The following KCNK2 variants were observed in gnomAD, a reference collection of about 807,000 sequenced individuals.
KCNK2 encodes potassium two pore domain channel subfamily K member 2.
A neutral mutation model predicts 40.5 loss-of-function variants in KCNK2; 21 were observed. The ratio of observed to expected loss-of-function variants is 0.52; its 90% CI spans 0.37 to 0.75. The LOEUF (loss-of-function observed/expected upper bound fraction) is 0.75, where lower values mean the gene tolerates loss of function less well. Among genes scored for constraint, KCNK2 ranks in the 30% least tolerant of loss-of-function variants. The probability of loss-of-function intolerance (pLI) is 0.00; values close to 1 mark genes in which losing one functional copy is unlikely to be tolerated. For missense variants in KCNK2, 399 were observed against 531.6 expected, an observed-to-expected ratio of 0.75 and a Z score of 2.45; for synonymous variants, 191 against 202.2, an observed-to-expected ratio of 0.94 and a Z score of 0.47.
chr1:215,163,998 C>T (rs1165349154), intron 3 of KCNK2, among the ~76,000 whole-genome samples: 1 of 152,122 alleles, frequency 6.6e-6, no homozygotes, highest in African/African-American at 2.4e-5. Context: ...GGAATGGTAC[C>T]AGCTCCTCTT....
intron 3 of KCNK2, among the ~76,000 whole-genome samples, chr1:215,168,553 G>A (rs139461038): frequency 5.9e-5 from 9 of 152,304 alleles, no homozygotes; most frequent in African/African-American, 1.9e-4. Flanking sequence ...GTCCTTTGCA[G>A]GGACATGGAT....
chr1:215,052,735 T>C (rs1658031761), intron 1 of KCNK2, among the ~76,000 whole-genome samples: 1 of 152,146 alleles, frequency 6.6e-6, no homozygotes, highest in Non-Finnish European at 1.5e-5. Context: ...TGGGAAAGGA[T>C]TGTAGATTCC....
chr1:215,204,013 G>T lies in KCNK2; in HGVS notation c.963+8921G>T, dbSNP rs376610486. On this transcript the variant is annotated intron_variant, in intron 6 of 6. Coordinates refer to ENST00000444842, the MANE Select transcript of KCNK2 (RefSeq NM_001017425.3). Reference sequence around the variant, plus strand: ...AGATCGCGCCACTGCACTCCAGCCTGGGCGATAGAGCGAGACTCCGTCTCA... The same window carrying T: ...AGATCGCGCCACTGCACTCCAGCCTTGGCGATAGAGCGAGACTCCGTCTCA... Among the ~76,000 whole-genome samples, 26 of 138,314 alleles carry T rather than the reference G, an allele frequency of 1.9e-4. 1 individual carries two copies. The highest frequency in any genetic ancestry group is 7.0e-4 in the African/African-American group (25 of 35,698). 90.7% of individuals were successfully genotyped at this position (138,314 alleles called of 152,430 possible).
intron 1 of KCNK2, among the ~76,000 whole-genome samples, chr1:215,016,465 A>G (rs1007465771): frequency 6.6e-6 from 1 of 152,210 alleles, no homozygotes; most frequent in East Asian, 1.9e-4. Flanking sequence ...ATTTATGGCC[A>G]ACTGATTTTT....
At chr1:215,050,493 T>C (rs1236135399) in intron 1 of KCNK2, among the ~76,000 whole-genome samples, 1 of 152,178 alleles carries the variant, frequency 6.6e-6, no homozygotes, top group Non-Finnish European at 1.5e-5. Context: ...AAAGTTCCTG[T>C]ACTTCGTTCA....
chr1:215,164,935 T>C (rs1313839868), intron 3 of KCNK2, among the ~76,000 whole-genome samples: 1 of 152,164 alleles, frequency 6.6e-6, no homozygotes, highest in Non-Finnish European at 1.5e-5. Context: ...TAATAAAAAA[T>C]TTTGAATGTA....
intron 2 of KCNK2, among the ~76,000 whole-genome samples, chr1:215,104,833 G>A (rs922304031): frequency 6.6e-5 from 10 of 151,992 alleles, no homozygotes; most frequent in African/African-American, 2.4e-4. Flanking sequence ...TATGTGCCTA[G>A]CATTGTAAGG....
intron 6 of KCNK2, among the ~76,000 whole-genome samples, chr1:215,212,704 AC>A (rs1172362496): frequency 1.3e-5 from 2 of 152,198 alleles, no homozygotes; most frequent in African/African-American, 4.8e-5. Context: ...TAACTTAAAA[AC>A]TTTTGCTCAG....
rs772760105 is a variant in KCNK2 at position 215,056,307 on chromosome 1, T to TTAA, written c.35-30061_35-30060insTAA. On this transcript the variant is annotated intron_variant, in intron 1 of 6. Coordinates refer to the KCNK2 transcript ENST00000391895. ...TGGGCAACAAGAGTGAAACTCCATC[T>TTAA]CAAAAAAAAAAAAAAAGGAAAGAAA... Among the ~76,000 whole-genome samples the TTAA allele has an allele frequency of 5.2e-3, 224 of 43,044 alleles. 2 individuals are homozygous for TTAA. The highest frequency in any genetic ancestry group is 0.015 in the Middle Eastern group (2 of 132). 28.2% of individuals were successfully genotyped at this position (43,044 alleles called of 152,430 possible).
chr1:215,030,546 T>C (rs1244008307), intron 1 of KCNK2, among the ~76,000 whole-genome samples: 2 of 152,040 alleles, frequency 1.3e-5, no homozygotes, highest in Admixed American at 6.5e-5. Flanking sequence ...CCTATCTTTT[T>C]TTTTTTGAGA....
intron 2 of KCNK2, among the ~76,000 whole-genome samples, chr1:215,095,138 C>T (rs1659922678): frequency 6.6e-6 from 1 of 152,090 alleles, no homozygotes; most frequent in Non-Finnish European, 1.5e-5. Flanking sequence ...TCATTTTACA[C>T]TTTAAAGTAA....
chr1:215,178,529 T>G (rs1320501130), intron 5 of KCNK2, among the ~76,000 whole-genome samples: 1 of 152,142 alleles, frequency 6.6e-6, no homozygotes, highest in Admixed American at 6.6e-5. Context: ...TGACATATGT[T>G]TCATCAATGC....
At chr1:215,013,053 A>C (rs975233534) in intron 1 of KCNK2, among the ~76,000 whole-genome samples, 28 of 152,250 alleles carry the variant, frequency 1.8e-4, no homozygotes, top group African/African-American at 6.0e-4. Flanking sequence ...TTAATTTTGT[A>C]TAATTCAAAT....
At chr1:215,121,288 T>C (rs139158656) in intron 2 of KCNK2, among the ~76,000 whole-genome samples, 328 of 152,202 alleles carry the variant, frequency 2.2e-3, no homozygotes, top group African/African-American at 7.3e-3. Context: ...TCCAAGTTAT[T>C]TTATTTATTT....
At chr1:215,012,293 C>T (rs187269261) in intron 1 of KCNK2, among the ~76,000 whole-genome samples, 89 of 152,132 alleles carry the variant, frequency 5.9e-4, no homozygotes, top group Middle Eastern at 6.8e-3. Context: ...CTAGTTACTT[C>T]GCATTTTTGC....
intron 3 of KCNK2, among the ~76,000 whole-genome samples, chr1:215,155,315 A>G (rs566201521): frequency 2.1e-4 from 32 of 152,098 alleles, no homozygotes; most frequent in Non-Finnish European, 3.5e-4. Flanking sequence ...AATTTTTAAA[A>G]CTGTTGATAA....
intron 1 of KCNK2, among the ~76,000 whole-genome samples, chr1:215,019,949 C>CTA (rs5780810): frequency 0.44 from 65,960 of 151,010 alleles, 15,978 homozygotes; most frequent in Non-Finnish European, 0.54. Flanking sequence ...AGAGGGACCA[C>CTA]TATATATATA....
chr1:215,208,930 C>CTT (rs1665434469), intron 6 of KCNK2, among the ~76,000 whole-genome samples: 1 of 151,860 alleles, frequency 6.6e-6, no homozygotes, highest in Admixed American at 6.6e-5. Flanking sequence ...TGGGTTCAAG[C>CTT]AATTCTCCTG....
chr1:215,082,532 A>T (rs1659203626), upstream of KCNK2, among the ~76,000 whole-genome samples: 1 of 151,838 alleles, frequency 6.6e-6, no homozygotes, highest in Non-Finnish European at 1.5e-5. Context: ...GATGGGGGTT[A>T]GTGGAAGGGG....
Sources: gnomAD v4.1 joint callset for allele counts (sites outside exome capture counted in the v4.1 genomes callset) on GRCh38, gnomAD v4.1.1 for gene constraint, MANE v1.5 for transcripts, NCBI Gene and HGNC (gene_info 2026-07-23, HGNC 2026-07-21) for gene names.